Variants in DDTL observed in about 807,000 individuals in gnomAD.
DDTL encodes putative D-dopachrome decarboxylase-like protein.
DDTL carries 1 observed loss-of-function variant against 1.1 expected under a neutral mutation model. The observed-to-expected ratio is 0.91, with a 90% CI of 0.32 to 4.31. DDTL has a LOEUF of 4.31. Ranked by LOEUF, DDTL falls within the 30% of genes most tolerant of loss-of-function variation. The pLI, the probability that DDTL is intolerant of heterozygous loss-of-function variation, is 0.17. For synonymous variants in DDTL, 21 were observed against 16.6 expected (o/e 1.26, Z -0.64); for missense variants, 54 against 48.9 (o/e 1.10, Z -0.31).
chr22:23,969,693 C>T (rs1286953451), intron 2 of DDTL: 10 of 976,326 alleles, frequency 1.0e-5, no homozygotes, highest in Non-Finnish European at 1.2e-5. Flanking sequence ...GTGGCATGAG[C>T]CTGTGATCCA....
At chr22:23,969,125 A>G (rs2033855055) in intron 2 of DDTL, 1 of 969,986 alleles carries the variant, frequency 1.0e-6, no homozygotes, top group Non-Finnish European at 1.2e-6. Context: ...CCCTTTGCTC[A>G]GACAAGACAT....
At chr22:23,970,379 T>G (rs1293539467) in intron 2 of DDTL, among the ~76,000 whole-genome samples, 1 of 151,996 alleles carries the variant, frequency 6.6e-6, no homozygotes, top group East Asian at 1.9e-4. Flanking sequence ...ATGTGAGCAG[T>G]GTGAATTTGA....
chr22:23,971,878 G>A lies in DDTL; in HGVS notation c.*472G>A. The A allele has an allele frequency of 2.1e-6, 1 of 477,340 alleles. No homozygotes were observed. Among genetic ancestry groups the A allele is most frequent in the Non-Finnish European group, 3.7e-6 (1 of 270,032 alleles). 29.6% of individuals were successfully genotyped at this position (477,340 alleles called of 1,614,324 possible). On this transcript the variant is annotated 3_prime_UTR_variant, in exon 3 of 3. Transcript: ENST00000215770. Reference sequence around the variant, plus strand: ...ACAATACAGTAGCCTCGGTGTGTGTGCCGTACACTCTATCATCTCCATCAG... The same window carrying A: ...ACAATACAGTAGCCTCGGTGTGTGTACCGTACACTCTATCATCTCCATCAG...
Position 23,971,577 on chromosome 22 carries a change from T to C in DDTL, c.*171T>C. On this transcript the variant is annotated 3_prime_UTR_variant, in exon 3 of 3. Transcript: ENST00000215770. ...CATAAAAAAGTCATGACCGTCCCTA[T>C]CTTGCCAATCTGCCAGGACTCCAAG... The C allele has an allele frequency of 6.2e-7, 1 of 1,614,148 alleles. No homozygotes were observed. Among genetic ancestry groups the C allele is most frequent in the Non-Finnish European group, 8.5e-7 (1 of 1,180,008 alleles).
Position 23,971,527 on chromosome 22 carries a change from T to C in DDTL, c.*121T>C. 1 of 1,613,220 alleles carries C rather than the reference T, an allele frequency of 6.2e-7. No homozygotes were observed. Among genetic ancestry groups the C allele is most frequent in the Non-Finnish European group, 8.5e-7 (1 of 1,179,486 alleles). On this transcript the variant is annotated 3_prime_UTR_variant, in exon 3 of 3. Coordinates refer to ENST00000215770, the MANE Select transcript of DDTL (RefSeq NM_001084393.2). ...CTGGAAGAAGCAGCCAGTTCACAGATGCCCTGGATCCCTCCGTGCCCAATC... is the reference window on the plus strand; with the variant it reads ...CTGGAAGAAGCAGCCAGTTCACAGACGCCCTGGATCCCTCCGTGCCCAATC...
intron 2 of DDTL, chr22:23,969,621 G>A: frequency 4.1e-6 from 4 of 985,432 alleles, no homozygotes; most frequent in Non-Finnish European, 4.8e-6. Context: ...AGGAATTCAA[G>A]ACCACCCTGG....
chr22:23,970,635 T>C (rs534333620), intron 2 of DDTL, among the ~76,000 whole-genome samples: 1 of 151,200 alleles, frequency 6.6e-6, no homozygotes, highest in East Asian at 2.1e-4. Context: ...ATGAGTTAAC[T>C]GTGTGTAAAT....
Position 23,971,294 on chromosome 22 carries a change from C to T in DDTL, c.293C>T (p.Thr98Met), listed in dbSNP as rs149353985. 512 of 1,612,448 alleles carry T rather than the reference C, an allele frequency of 3.2e-4. 1 individual carries two copies. The African/African-American group carries it at 6.0e-3, about 19-fold the overall frequency. The change falls in exon 3 of 3, where the codon ACG (threonine) becomes ATG (methionine). Residue 98 changes from threonine to methionine, a missense_variant. By Grantham distance (81) the Thr-to-Met change is moderately conservative. Coordinates refer to ENST00000215770, the MANE Select transcript of DDTL (RefSeq NM_001084393.2). Reference protein sequence around the residue: ...ELALGQDRFPTVLSTSPAAHG... With the variant: ...ELALGQDRFPMVLSTSPAAHG... ...AAATCATCCCCCTCCAGGTTCCCTA[C>T]GGTCTTATCCACCAGCCCTGCTGCC...
intron 2 of DDTL, chr22:23,969,365 C>T (rs2146206982): frequency 1.0e-6 from 1 of 985,304 alleles, no homozygotes; most frequent in African/African-American, 1.7e-5. Flanking sequence ...GTACTGTGTC[C>T]TTAGGGAGTC....
At position 23,972,058 on chromosome 22, in the gene DDTL, C is replaced by G. The variant is rs946610488; in HGVS notation, c.*652C>G. 1.8e-6 allele frequency: 1 copy of G among 555,104 alleles called. No homozygotes were observed. Among genetic ancestry groups the G allele is most frequent in the Non-Finnish European group, 2.3e-6 (1 of 436,524 alleles). The allele number at this position is 555,104 out of a possible 1,614,324, so 34.4% of individuals were successfully genotyped here. On this transcript the variant is annotated 3_prime_UTR_variant, in exon 3 of 3. Coordinates refer to ENST00000215770, the MANE Select transcript of DDTL (RefSeq NM_001084393.2). Reference sequence around the variant, plus strand: ...GGGCCATAAGTGAACATGCCCCTCTCAGAGGTAACAGCAAGTTTCCAGTGA... The same window carrying G: ...GGGCCATAAGTGAACATGCCCCTCTGAGAGGTAACAGCAAGTTTCCAGTGA...
In DDTL at chr22:23,971,570, G is replaced by A. The variant is rs150924512; in HGVS notation, c.*164G>A. 1.9e-6 allele frequency: 3 copies of A among 1,613,968 alleles called. No homozygotes were observed. Among genetic ancestry groups the A allele is most frequent in the African/African-American group, 2.7e-5 (2 of 74,908 alleles). ...GCCCAATCATAAAAAAGTCATGACC[G>A]TCCCTATCTTGCCAATCTGCCAGGA... is the stretch of plus-strand genomic sequence containing the variant. On this transcript the variant is annotated 3_prime_UTR_variant, in exon 3 of 3. Coordinates refer to ENST00000215770, the MANE Select transcript of DDTL (RefSeq NM_001084393.2).
Position 23,970,237 on chromosome 22 carries a change from C to T in DDTL, c.285-1049C>T, listed in dbSNP as rs370709602. On this transcript the variant is annotated intron_variant, in intron 2 of 2. Transcript: ENST00000215770. ...ATGTGACTGAATTGCCTGTGTGGTG[C>T]GTGTGTATGTGTGCGAATGTCAGTG... is the stretch of plus-strand genomic sequence containing the variant. 3.1e-3 allele frequency among the ~76,000 whole-genome samples: 476 copies of T among 151,120 alleles called. 6 individuals carry two copies. Among genetic ancestry groups the T allele is most frequent in the East Asian group, 0.031 (159 of 5,176 alleles).
At chr22:23,969,369 G>T in intron 2 of DDTL, 2 of 985,266 alleles carry the variant, frequency 2.0e-6, no homozygotes, top group Non-Finnish European at 2.4e-6. Context: ...TGTGTCCTTA[G>T]GGAGTCTGCA....
intron 2 of DDTL, chr22:23,969,275 G>A: frequency 1.0e-6 from 1 of 985,534 alleles, no homozygotes; most frequent in Non-Finnish European, 1.2e-6. Context: ...CCTCTGAGAG[G>A]GGCATGTTGG....
chr22:23,972,137 C>T lies in DDTL; in HGVS notation c.*731C>T. 2 of 982,234 alleles carry T rather than the reference C, an allele frequency of 2.0e-6. No individual in the cohort carries two copies. The highest frequency in any genetic ancestry group is 2.4e-6 in the Non-Finnish European group (2 of 827,210). 60.8% of individuals were successfully genotyped at this position (982,234 alleles called of 1,614,324 possible). The stretch of plus-strand genomic sequence containing the variant: ...TGGGGCGGGCGGGAGTATGAACAGC[C>T]TGTCTTCTCATCATAAAATTGGCAT... On this transcript the variant is annotated 3_prime_UTR_variant, in exon 3 of 3. Coordinates refer to ENST00000215770, the MANE Select transcript of DDTL (RefSeq NM_001084393.2).
At chr22:23,969,335 T>C in intron 2 of DDTL, 2 of 985,458 alleles carry the variant, frequency 2.0e-6, no homozygotes, top group Non-Finnish European at 2.4e-6. Context: ...GCCCAACCTT[T>C]GAGAAAACAG....
At chr22:23,969,582 G>A (rs1245048113) in intron 2 of DDTL, 1 of 965,480 alleles carries the variant, frequency 1.0e-6, no homozygotes, top group Non-Finnish European at 1.2e-6. Context: ...TTTGCAAAAT[G>A]GGCTGAGGTG....
chr22:23,970,175 G>A (rs2033873606), intron 2 of DDTL, among the ~76,000 whole-genome samples: 1 of 152,144 alleles, frequency 6.6e-6, no homozygotes, highest in South Asian at 2.1e-4. Flanking sequence ...GGTGACACTG[G>A]GAAGGGAACT....
rs139852514 is a variant in DDTL, at chr22:23,971,684, C to A, written c.*278C>A. 1 of 1,500,608 alleles carries A rather than the reference C, an allele frequency of 6.7e-7. No homozygotes were observed. Among genetic ancestry groups the A allele is most frequent in the South Asian group, 1.2e-5 (1 of 84,642 alleles). 93.0% of individuals were successfully genotyped at this position (1,500,608 alleles called of 1,614,324 possible). A position where few individuals can be genotyped will look rare whatever the true frequency, so the allele number is the denominator to read the frequency against. ...TTGGCTAATACCACATCTTGCAAGA[C>A]CCCTGCCAGGTACTCCCACTGTGGG... On this transcript the variant is annotated 3_prime_UTR_variant, in exon 3 of 3. Coordinates refer to ENST00000215770, the MANE Select transcript of DDTL (RefSeq NM_001084393.2).
Sources: gnomAD v4.1 joint callset for allele counts (sites outside exome capture counted in the v4.1 genomes callset) on GRCh38, gnomAD v4.1.1 for gene constraint, MANE v1.5 for transcripts, NCBI Gene and HGNC (gene_info 2026-07-23, HGNC 2026-07-21) for gene names.